The following ITGBL1 variants were observed in gnomAD, a reference collection of about 807,000 sequenced individuals.
ITGBL1 encodes the protein integrin beta-like protein 1.
In ITGBL1, 51 loss-of-function variants were observed where a neutral mutation model predicts 68.5. The ratio of observed to expected loss-of-function variants is 0.74; its 90% confidence interval spans 0.59 to 0.94. The LOEUF is 0.94. Among genes scored for constraint, ITGBL1 ranks in the 40% least tolerant of loss-of-function variants. The pLI is 0.00. For synonymous variants in ITGBL1, 209 were observed against 227.3 expected (o/e 0.92, Z 0.72); for missense variants, 649 against 647.4 (o/e 1.00, Z -0.03).
rs537861568 is a variant in ITGBL1 at position 101,616,384 on chromosome 13, C to T, written c.1015+18085C>T. Among the ~76,000 whole-genome samples, 25 of 152,274 alleles carry T rather than the reference C, an allele frequency of 1.6e-4. No individual in the cohort carries two copies. In the South Asian group the frequency reaches 5.2e-3, roughly 32 times the overall value. ...AATATGAAGTATTTTGGCTTAAATT[C>T]TGGGGGTATAAATCTGTTTCATAAA... On this transcript the variant is annotated intron_variant, in intron 7 of 10. Transcript: ENST00000376180.
At chr13:101,561,632 T>C (rs1408241880) in intron 2 of ITGBL1, among the ~76,000 whole-genome samples, 1 of 152,156 alleles carries the variant, frequency 6.6e-6, no homozygotes, top group Non-Finnish European at 1.5e-5. Flanking sequence ...GGAACAAAGA[T>C]ACTAATGACA....
downstream of ITGBL1, chr13:101,719,191 T>TAA (rs1392881519): frequency 6.6e-6 from 1 of 152,108 alleles, no homozygotes; most frequent in Non-Finnish European, 1.5e-5. Flanking sequence ...ACTTAAAGAA[T>TAA]AAGTTTTTGG....
chr13:101,454,128 C>T (rs757380455), intron 2 of ITGBL1, 28 bp downstream of exon 2: 11 of 1,475,826 alleles, frequency 7.5e-6, no homozygotes, highest in South Asian at 1.4e-5. Context: ...TCTCCTCCCT[C>T]GGGAGGTCGA....
chr13:101,681,177 C>T (rs61965093), intron 7 of ITGBL1, among the ~76,000 whole-genome samples: 12,748 of 152,194 alleles, frequency 0.084, 653 homozygotes, highest in African/African-American at 0.14. Flanking sequence ...TCAGCAAGAA[C>T]ATGTGTGTTC....
intron 7 of ITGBL1, among the ~76,000 whole-genome samples, chr13:101,635,361 C>T (rs563066993): frequency 9.9e-5 from 15 of 151,908 alleles, no homozygotes; most frequent in South Asian, 4.2e-4. Context: ...ATAAAAGAAC[C>T]GAAAATAACA....
intron 2 of ITGBL1, among the ~76,000 whole-genome samples, chr13:101,522,048 G>A (rs142595809): frequency 9.9e-5 from 15 of 152,002 alleles, no homozygotes; most frequent in African/African-American, 3.6e-4. Flanking sequence ...AGAGAGAAGA[G>A]AGCAAAGAGA....
intron 2 of ITGBL1, among the ~76,000 whole-genome samples, chr13:101,485,298 C>T (rs1008490354): frequency 2.6e-5 from 4 of 152,228 alleles, no homozygotes; most frequent in Admixed American, 6.5e-5. Flanking sequence ...ATGGTAATTA[C>T]ATGGGTAAAT....
At chr13:101,457,995 G>A (rs2048267456) in intron 2 of ITGBL1, among the ~76,000 whole-genome samples, 1 of 152,134 alleles carries the variant, frequency 6.6e-6, no homozygotes, top group South Asian at 2.1e-4. Context: ...CACTTAAAGA[G>A]TTTCAGTTTT....
intron 6 of ITGBL1, among the ~76,000 whole-genome samples, chr13:101,596,067 ATC>A (rs1237271156): frequency 3.0e-5 from 4 of 131,800 alleles, no homozygotes; most frequent in Non-Finnish European, 6.7e-5. Context: ...ATATATATAT[ATC>A]TATATATACA....
At chr13:101,688,957 G>A (rs2033817295) in intron 7 of ITGBL1, among the ~76,000 whole-genome samples, 1 of 151,946 alleles carries the variant, frequency 6.6e-6, no homozygotes, top group Non-Finnish European at 1.5e-5. Flanking sequence ...CCAGCACTTT[G>A]GGAGGCCAAG....
chr13:101,605,602 G>A (rs1008525848), intron 7 of ITGBL1, among the ~76,000 whole-genome samples: 2 of 150,722 alleles, frequency 1.3e-5, no homozygotes, highest in African/African-American at 4.9e-5. Context: ...ACGTACGTGT[G>A]TATATGCGTA....
chr13:101,636,670 G>T (rs2032179831), intron 7 of ITGBL1, among the ~76,000 whole-genome samples: 1 of 152,146 alleles, frequency 6.6e-6, no homozygotes, highest in South Asian at 2.1e-4. Flanking sequence ...AAAAATAGCT[G>T]CATCTTGTGC....
chr13:101,530,818 A>T (rs753237572), intron 2 of ITGBL1, among the ~76,000 whole-genome samples: 3 of 152,200 alleles, frequency 2.0e-5, no homozygotes, highest in Non-Finnish European at 2.9e-5. Context: ...CATTTTTGGG[A>T]TATGTCGCAT....
intron 2 of ITGBL1, among the ~76,000 whole-genome samples, chr13:101,524,832 T>C (rs1437697325): frequency 2.6e-5 from 4 of 152,130 alleles, no homozygotes; most frequent in Non-Finnish European, 5.9e-5. Flanking sequence ...CATTTGTTTG[T>C]GTAATTATTT....
At chr13:101,628,117 A>G (rs960050584) in intron 7 of ITGBL1, among the ~76,000 whole-genome samples, 1 of 152,122 alleles carries the variant, frequency 6.6e-6, no homozygotes, top group East Asian at 1.9e-4. Flanking sequence ...GGGTGTTTTC[A>G]GTGTTCTGGA....
At chr13:101,519,572 A>T (rs979675767) in intron 2 of ITGBL1, among the ~76,000 whole-genome samples, 1 of 152,052 alleles carries the variant, frequency 6.6e-6, no homozygotes, top group African/African-American at 2.4e-5. Context: ...AAGAGAATAA[A>T]TATAAAGTTT....
intron 7 of ITGBL1, among the ~76,000 whole-genome samples, chr13:101,664,187 A>G (rs935426982): frequency 4.6e-5 from 7 of 152,208 alleles, no homozygotes; most frequent in African/African-American, 1.2e-4. Context: ...TTTATGTGCT[A>G]CATTTGTAAC....
chr13:101,549,746 A>C (rs2049890212), intron 2 of ITGBL1, among the ~76,000 whole-genome samples: 2 of 152,150 alleles, frequency 1.3e-5, no homozygotes, highest in Admixed American at 1.3e-4. Context: ...TTTCAGTGCC[A>C]AGATTGACAC....
chr13:101,480,391 T>G (rs1472881306), intron 2 of ITGBL1, among the ~76,000 whole-genome samples: 1 of 151,878 alleles, frequency 6.6e-6, no homozygotes, highest in Non-Finnish European at 1.5e-5. Context: ...TTAGATACAG[T>G]GTATAAGATC....
Sources: allele counts gnomAD v4.1 joint callset (sites outside exome capture counted in the v4.1 genomes callset), GRCh38; gene constraint gnomAD v4.1.1; transcripts MANE v1.5; gene names NCBI Gene and HGNC (gene_info 2026-07-23, HGNC 2026-07-21).